GFRA1: variants seen among roughly 807,000 people sequenced by gnomAD.
The protein encoded by GFRA1 is GDNF family receptor alpha-1.
In GFRA1, 16 loss-of-function variants were observed where a neutral mutation model predicts 51.6. The observed-to-expected ratio is 0.31, with a 90% confidence interval of 0.21 to 0.47. The LOEUF (loss-of-function observed/expected upper bound fraction) is 0.47. Among genes scored for constraint, GFRA1 ranks in the 20% least tolerant of loss-of-function variants. The pLI is 1.00. For synonymous variants in GFRA1, 270 were observed against 241.3 expected (o/e 1.12, Z -1.10); for missense variants, 530 against 594.3 (o/e 0.89, Z 1.13).
chr10:116,106,143 G>C (rs1956997716), intron 6 of GFRA1, among the ~76,000 whole-genome samples: 2 of 152,138 alleles, frequency 1.3e-5, no homozygotes, highest in African/African-American at 4.8e-5. Flanking sequence ...CAAAGAAATG[G>C]ATTCTCCTCT....
intron 5 of GFRA1, among the ~76,000 whole-genome samples, chr10:116,187,766 T>C (rs1962864571): frequency 1.3e-5 from 2 of 152,132 alleles, no homozygotes; most frequent in South Asian, 4.1e-4. Flanking sequence ...GAAATGTAAC[T>C]GTTGAAATCT....
In GFRA1 at chr10:116,185,467, C is replaced by T. The variant is rs925615911; in HGVS notation, c.433+26164G>A. On this transcript the variant is annotated intron_variant, in intron 5 of 10. Transcript: ENST00000355422. ...CATGCGTGTTGCTGCTCAGAGCCTG[C>T]ACCTGTGGCCCTCAAAGGAGCACCC... Among the ~76,000 whole-genome samples, 15 of 152,280 alleles carry T rather than the reference C, an allele frequency of 9.9e-5. No homozygotes were observed. In the East Asian group the frequency reaches 2.7e-3, roughly 27 times the overall value.
chr10:116,070,041 C>T (rs911581966), intron 9 of GFRA1, among the ~76,000 whole-genome samples: 10 of 152,182 alleles, frequency 6.6e-5, no homozygotes, highest in African/African-American at 9.7e-5. Context: ...TCCTCCTCCA[C>T]GCATAAGAAA....
intron 5 of GFRA1, among the ~76,000 whole-genome samples, chr10:116,164,943 C>A (rs1960221030): frequency 1.3e-5 from 2 of 152,150 alleles, no homozygotes; most frequent in South Asian, 4.1e-4. Context: ...TTCATAATAA[C>A]TGTTGTTCTT....
chr10:116,176,462 C>G (rs1403464871), intron 5 of GFRA1, among the ~76,000 whole-genome samples: 1 of 152,054 alleles, frequency 6.6e-6, no homozygotes, highest in African/African-American at 2.4e-5. Context: ...CTCGGGAGAT[C>G]TGGTTGTTTA....
intron 6 of GFRA1, among the ~76,000 whole-genome samples, chr10:116,101,429 A>G (rs949680785): frequency 6.6e-6 from 1 of 152,158 alleles, no homozygotes; most frequent in Non-Finnish European, 1.5e-5. Context: ...CCCACCCTTA[A>G]AGAAGAGGAA....
At position 116,125,240 on chromosome 10, in the gene GFRA1, T is replaced by C; in HGVS notation, c.751A>G (p.Lys251Glu). 6.2e-7 allele frequency: 1 copy of C among 1,614,166 alleles called. No homozygotes were observed. Among genetic ancestry groups the C allele is most frequent in the East Asian group, 2.2e-5 (1 of 44,856 alleles). ...PNCLNLQDSC[K>E]TNYICRSRLA... is the part of the protein sequence containing the mutation. ...ACTTACCTGCAGATGTAATTCGTCT[T>C]GCAGGAGTCCTGCAAATTCAAACAG... The change falls in exon 6 of 11, where the codon AAG becomes GAG. Residue 251 changes from lysine to glutamate, a missense_variant. Transcript: ENST00000355422.
intron 4 of GFRA1, among the ~76,000 whole-genome samples, chr10:116,247,348 C>T (rs1410063153): frequency 1.3e-5 from 2 of 152,212 alleles, no homozygotes; most frequent in African/African-American, 4.8e-5. Flanking sequence ...ACTTCTTTTG[C>T]TATTTCTCCT....
At chr10:116,207,230 G>T (rs572078953) in intron 5 of GFRA1, among the ~76,000 whole-genome samples, 68 of 152,284 alleles carry the variant, frequency 4.5e-4, no homozygotes, top group Middle Eastern at 6.8e-3. Context: ...CCCCTGCAAA[G>T]GTCGCAACCC....
At chr10:116,190,280 G>A (rs1385377418) in intron 5 of GFRA1, among the ~76,000 whole-genome samples, 2 of 152,222 alleles carry the variant, frequency 1.3e-5, no homozygotes, top group Non-Finnish European at 2.9e-5. Flanking sequence ...TCAACACTTA[G>A]AGGGTGTTTG....
intron 5 of GFRA1, among the ~76,000 whole-genome samples, chr10:116,170,703 C>T (rs1176632524): frequency 6.6e-6 from 1 of 152,082 alleles, no homozygotes; most frequent in East Asian, 1.9e-4. Context: ...TTTTTCAACC[C>T]GGTCTTAATA....
Position 116,196,627 on chromosome 10 carries a change from TAATATATAGTACTATATATAATA to T in GFRA1, c.433+14981_433+15003del, listed in dbSNP as rs1963835116. Among the ~76,000 whole-genome samples the T allele has an allele frequency of 2.3e-4, 7 of 29,934 alleles. 1 individual carries two copies. Among genetic ancestry groups the T allele is most frequent in the African/African-American group, 6.9e-4 (6 of 8,702 alleles). The allele number at this position is 29,934 out of a possible 152,430, so 19.6% of individuals were successfully genotyped here. On this transcript the variant is annotated intron_variant, in intron 5 of 10. Transcript: ENST00000355422. ...TATATAGTACTATATATAATATATA[TAATATATAGTACTATATATAATA>T]TATATATAGTACTATATATAATATA...
chr10:116,098,578 G>A (rs767328488), intron 6 of GFRA1, among the ~76,000 whole-genome samples: 3 of 152,132 alleles, frequency 2.0e-5, no homozygotes, highest in Non-Finnish European at 4.4e-5. Context: ...CAGGCAGCTG[G>A]GGCTCCGGTT....
At chr10:116,236,070 G>T (rs1436354082) in intron 4 of GFRA1, among the ~76,000 whole-genome samples, 2 of 152,144 alleles carry the variant, frequency 1.3e-5, no homozygotes, top group Non-Finnish European at 2.9e-5. Flanking sequence ...AATTCAAGGA[G>T]GAGAACAACA....
At chr10:116,127,432 G>A (rs1957925402) in intron 5 of GFRA1, among the ~76,000 whole-genome samples, 1 of 152,158 alleles carries the variant, frequency 6.6e-6, no homozygotes, top group East Asian at 1.9e-4. Flanking sequence ...GGCGCCATGA[G>A]TCATATTTTA....
At chr10:116,236,335 G>A (rs1966876886) in intron 4 of GFRA1, among the ~76,000 whole-genome samples, 1 of 152,152 alleles carries the variant, frequency 6.6e-6, no homozygotes, top group South Asian at 2.1e-4. Context: ...CCCCCTTTCA[G>A]CAGAGAAAGG....
At chr10:116,205,924 T>C (rs949510412) in intron 5 of GFRA1, among the ~76,000 whole-genome samples, 8 of 77,660 alleles carry the variant, frequency 1.0e-4, no homozygotes, top group African/African-American at 3.1e-4. Flanking sequence ...ATTTTCCTCA[T>C]ATCACACACA....
chr10:116,233,164 T>G (rs1966789189), intron 4 of GFRA1, among the ~76,000 whole-genome samples: 1 of 151,908 alleles, frequency 6.6e-6, no homozygotes, highest in Non-Finnish European at 1.5e-5. Context: ...CTGTCTCTAC[T>G]TAAAATACAA....
chr10:116,172,097 G>A (rs961175580), intron 5 of GFRA1, among the ~76,000 whole-genome samples: 1 of 152,158 alleles, frequency 6.6e-6, no homozygotes, highest in Non-Finnish European at 1.5e-5. Context: ...TTCAGAAGAT[G>A]AGACCCGGTT....
Sources: allele counts gnomAD v4.1 joint callset (sites outside exome capture counted in the v4.1 genomes callset), GRCh38; gene constraint gnomAD v4.1.1; transcripts MANE v1.5; gene names NCBI Gene and HGNC (gene_info 2026-07-23, HGNC 2026-07-21).